Variants in PTPN3 observed in about 807,000 individuals in gnomAD.
PTPN3 encodes protein tyrosine phosphatase non-receptor type 3, also known as tyrosine-protein phosphatase non-receptor type 3.
A neutral mutation model predicts 132.7 loss-of-function variants in PTPN3; 96 were observed. The ratio of observed to expected loss-of-function variants is 0.72; its 90% CI spans 0.61 to 0.86. The LOEUF is 0.86. Among genes scored for constraint, PTPN3 ranks in the 40% least tolerant of loss-of-function variants. The pLI is 0.00. For missense variants in PTPN3, 1,125 were observed against 1,159.6 expected, an observed-to-expected ratio of 0.97 and a Z score of 0.43; for synonymous variants, 398 against 429.0, an observed-to-expected ratio of 0.93 and a Z score of 0.89.
chr9:109,383,754 G>T (rs1214704393), intron 22 of PTPN3, among the ~76,000 whole-genome samples: 3 of 152,110 alleles, frequency 2.0e-5, no homozygotes, highest in Non-Finnish European at 2.9e-5. Flanking sequence ...ACAGGTCTCC[G>T]CTCAGCCCCA....
Position 109,391,453 on chromosome 9 carries a change from T to A in PTPN3, c.2044+18A>T. 6.3e-7 allele frequency: 1 copy of A among 1,596,204 alleles called. No homozygotes were observed. The highest frequency in any genetic ancestry group is 8.6e-7 in the Non-Finnish European group (1 of 1,164,602). ...TCTCAGTGTAGGGGGGAAGGAGGCA[T>A]TCATGCCGGATACTCACAAGGCAGC... On this transcript the variant is annotated intron_variant, in intron 20 of 25. Coordinates refer to ENST00000374541, the MANE Select transcript of PTPN3 (RefSeq NM_002829.4).
At chr9:109,428,815 T>G (rs1843462195) in intron 10 of PTPN3, 131 bp from the exon 11 acceptor site, 2 of 1,436,652 alleles carry the variant, frequency 1.4e-6, no homozygotes, top group Non-Finnish European at 1.8e-6. Context: ...TAGAGTTTAC[T>G]TCTCTGTAGA....
In PTPN3 at chr9:109,462,194, C is replaced by T. The variant is rs554499411; in HGVS notation, c.138+1103G>A. Among the ~76,000 whole-genome samples the T allele has an allele frequency of 8.5e-5, 13 of 152,338 alleles. No individual in the cohort carries two copies. The South Asian group carries it at 2.5e-3, about 29-fold the overall frequency. On this transcript the variant is annotated intron_variant, in intron 2 of 25. Coordinates refer to ENST00000374541, the MANE Select transcript of PTPN3 (RefSeq NM_002829.4). ...CCCAAACTTCCATGACTTTGGTTGT[C>T]CACCTGAGTCTTCTGCACTGACAGG... is the stretch of plus-strand genomic sequence containing the variant.
chr9:109,524,380 C>CAG, the PTPN3 span, among the ~76,000 whole-genome samples: 37 of 53,778 alleles, frequency 6.9e-4, 3 homozygotes, highest in East Asian at 0.038. Context: ...CTATTATTCC[C>CAG]ATCTCACAGC....
At chr9:109,532,890 G>T in the PTPN3 span, 3 of 1,099,678 alleles carry the variant, frequency 2.7e-6, no homozygotes, top group Non-Finnish European at 3.6e-6. Flanking sequence ...TCAGCTGGTG[G>T]ATCGGCTGCT....
At chr9:109,533,496 G>T in the PTPN3 span, 1 of 1,596,066 alleles carries the variant, frequency 6.3e-7, no homozygotes, top group Non-Finnish European at 8.6e-7. Flanking sequence ...CGGTACCGAC[G>T]TTGAGGTGGC....
chr9:109,387,786 A>G (rs1000339368), intron 22 of PTPN3, among the ~76,000 whole-genome samples: 1 of 152,252 alleles, frequency 6.6e-6, no homozygotes, highest in African/African-American at 2.4e-5. Flanking sequence ...GTAGCAAAAA[A>G]TGATATTTCT....
At chr9:109,447,269 C>T (rs1019469809) in intron 6 of PTPN3, among the ~76,000 whole-genome samples, 4 of 152,036 alleles carry the variant, frequency 2.6e-5, no homozygotes, top group African/African-American at 7.2e-5. Flanking sequence ...CAGCGTAGTT[C>T]GGTGCCTGTC....
the PTPN3 span, among the ~76,000 whole-genome samples, chr9:109,529,907 C>CTTAT: frequency 5.7e-3 from 863 of 151,972 alleles, 6 homozygotes; most frequent in Middle Eastern, 0.01. Flanking sequence ...ACCATCTTTT[C>CTTAT]TTATTTATTT....
intron 1 of PTPN3, among the ~76,000 whole-genome samples, chr9:109,477,553 T>G (rs1846741182): frequency 6.6e-6 from 1 of 152,244 alleles, no homozygotes; most frequent in Admixed American, 6.5e-5. Context: ...TGAGGAAATG[T>G]AGTAAATGAC....
intron 19 of PTPN3, chr9:109,397,864 G>GC (rs1432263147): frequency 1.3e-5 from 2 of 152,282 alleles, no homozygotes; most frequent in African/African-American, 4.8e-5. Flanking sequence ...TCATTCCAAA[G>GC]CCCCCAGTTT....
At chr9:109,421,578 C>CCTGGGCTCT (rs1442794336) in intron 13 of PTPN3, among the ~76,000 whole-genome samples, 2 of 152,238 alleles carry the variant, frequency 1.3e-5, no homozygotes, top group African/African-American at 4.8e-5. Context: ...TGGATCCAGT[C>CCTGGGCTCT]CTGGGCTCTC....
chr9:109,500,159 G>GTTTCACT, upstream of PTPN3, among the ~76,000 whole-genome samples: 1 of 152,338 alleles, frequency 6.6e-6, no homozygotes, highest in African/African-American at 2.4e-5. Context: ...AATAAGGAAC[G>GTTTCACT]TGAACGTGTT....
chr9:109,417,845 G>C (rs1297486349), intron 14 of PTPN3: 1 of 942,324 alleles, frequency 1.1e-6, no homozygotes, highest in Non-Finnish European at 1.3e-6. Flanking sequence ...TTAACATTTA[G>C]CTGCAAGATA....
At chr9:109,412,442 C>A (rs557061318) in intron 14 of PTPN3, among the ~76,000 whole-genome samples, 1 of 151,526 alleles carries the variant, frequency 6.6e-6, no homozygotes, top group Non-Finnish European at 1.5e-5. Context: ...GGTGCAATCT[C>A]GGCTCACTGC....
chr9:109,399,230 T>G (rs547841509), intron 19 of PTPN3, among the ~76,000 whole-genome samples: 54 of 152,348 alleles, frequency 3.5e-4, no homozygotes, highest in Non-Finnish European at 3.8e-4. Flanking sequence ...GGTATGACCA[T>G]GGCTCACTGA....
chr9:109,426,892 G>A, intron 12 of PTPN3, 58 bp downstream of exon 12: 1 of 1,508,184 alleles, frequency 6.6e-7, no homozygotes, highest in Admixed American at 1.7e-5. Flanking sequence ...ATTCACTGAT[G>A]ACCAGGATGC....
chr9:109,497,634 C>A (rs1283859964), intron 1 of PTPN3, among the ~76,000 whole-genome samples: 1 of 152,214 alleles, frequency 6.6e-6, no homozygotes, highest in African/African-American at 2.4e-5. Flanking sequence ...CATACACTCC[C>A]CCATCTGCAG....
the PTPN3 span, among the ~76,000 whole-genome samples, chr9:109,512,965 G>C: frequency 6.6e-6 from 1 of 152,096 alleles, no homozygotes; most frequent in Non-Finnish European, 1.5e-5. Flanking sequence ...TCACATCTTT[G>C]ACTAGCCCTG....
Sources: gnomAD v4.1 joint callset for allele counts (sites outside exome capture counted in the v4.1 genomes callset) on GRCh38, gnomAD v4.1.1 for gene constraint, MANE v1.5 for transcripts, NCBI Gene and HGNC (gene_info 2026-07-23, HGNC 2026-07-21) for gene names.